TTLL6: variants seen among roughly 807,000 people sequenced by gnomAD.
The protein encoded by TTLL6 is tubulin polyglutamylase TTLL6.
TTLL6 carries 75 observed loss-of-function variants against 96.4 expected under a neutral mutation model. The observed-to-expected ratio is 0.78, with a 90% CI of 0.65 to 0.94. The LOEUF (loss-of-function observed/expected upper bound fraction) is 0.94. Among genes scored for constraint, TTLL6 ranks in the 40% least tolerant of loss-of-function variants. The probability of loss-of-function intolerance (pLI) is 0.00; values close to 1 mark genes in which losing one functional copy is unlikely to be tolerated. For missense variants in TTLL6, 1,030 were observed against 1,093.0 expected (o/e 0.94, Z 0.81); for synonymous variants, 411 against 419.4 (o/e 0.98, Z 0.24).
chr17:48,781,030 T>G (rs1028907969), intron 13 of TTLL6, among the ~76,000 whole-genome samples: 36 of 151,828 alleles, frequency 2.4e-4, no homozygotes, highest in African/African-American at 8.7e-4. Flanking sequence ...ATGGTTAGAT[T>G]ATAGGGTAAT....
intron 12 of TTLL6, 111 bp from the exon 13 acceptor site, chr17:48,785,312 G>GAT: frequency 6.7e-7 from 1 of 1,496,306 alleles, no homozygotes; most frequent in Non-Finnish European, 9.0e-7. Flanking sequence ...AAGGAAAGCA[G>GAT]TCGATAGTAA....
chr17:48,817,051 G>A lies in TTLL6; in HGVS notation c.22C>T (p.Pro8Ser). ...ACACCTGCCGGCCCCCTCCTCGAAG[G>A]ATGAAGGAGTAACGCTCCCATTGGC... MGALLLH[P>S]SRRGPAGVVA... Residue 8 changes from proline to serine, a missense_variant, in exon 1 of 16, where the codon CCT becomes TCT. Transcript: ENST00000393382. The A allele has an allele frequency of 6.5e-7, 1 of 1,544,608 alleles. No individual in the cohort carries two copies. Among genetic ancestry groups the A allele is most frequent in the Non-Finnish European group, 8.7e-7 (1 of 1,145,778 alleles).
At chr17:48,768,891 T>C in intron 15 of TTLL6, 98 bp downstream of exon 15, 1 of 1,290,658 alleles carries the variant, frequency 7.7e-7, no homozygotes, top group Non-Finnish European at 1.1e-6. Context: ...TGTATGTCTT[T>C]ATCAATCCAT....
intron 13 of TTLL6, among the ~76,000 whole-genome samples, chr17:48,778,553 T>G (rs1417225768): frequency 6.6e-6 from 1 of 151,194 alleles, no homozygotes; most frequent in African/African-American, 2.4e-5. Flanking sequence ...CCCAGCACAT[T>G]GGGAGGCTGA....
chr17:48,764,767 A>G (rs940066068), intron 15 of TTLL6, among the ~76,000 whole-genome samples: 2 of 152,056 alleles, frequency 1.3e-5, no homozygotes, highest in African/African-American at 4.8e-5. Context: ...TAAGTCCTTT[A>G]TGGTCCGATT....
At chr17:48,766,018 T>C (rs191258605) in intron 15 of TTLL6, among the ~76,000 whole-genome samples, 1 of 152,314 alleles carries the variant, frequency 6.6e-6, no homozygotes, top group East Asian at 1.9e-4. Flanking sequence ...CCTGTCTGCC[T>C]AAAAAATACC....
chr17:48,807,693 G>A lies in TTLL6; in HGVS notation c.104-2702C>T, dbSNP rs192523829. On this transcript the variant is annotated intron_variant, in intron 1 of 15. Coordinates refer to ENST00000393382, the MANE Select transcript of TTLL6 (RefSeq NM_001130918.3). ...CACCCGGCTAACTTTTATATTTTTA[G>A]TAGAGACAGGATTGCGCCATGTTGG... 9.2e-5 allele frequency among the ~76,000 whole-genome samples: 14 copies of A among 151,352 alleles called. No homozygotes were observed. In the East Asian group the frequency reaches 2.6e-3, roughly 28 times the overall value.
chr17:48,766,829 A>C (rs1389237562), intron 15 of TTLL6, among the ~76,000 whole-genome samples: 1 of 152,228 alleles, frequency 6.6e-6, no homozygotes, highest in Non-Finnish European at 1.5e-5. Flanking sequence ...GTTTTGCTCC[A>C]ATAACAGGCC....
intron 1 of TTLL6, among the ~76,000 whole-genome samples, chr17:48,814,496 C>A (rs1040678351): frequency 1.3e-5 from 2 of 152,070 alleles, no homozygotes; most frequent in Non-Finnish European, 2.9e-5. Flanking sequence ...TGAAAAAATT[C>A]TCATGTTTCC....
chr17:48,773,021 G>T (rs1290414473), intron 13 of TTLL6, among the ~76,000 whole-genome samples: 1 of 152,074 alleles, frequency 6.6e-6, no homozygotes, highest in Non-Finnish European at 1.5e-5. Flanking sequence ...TAAATAAAAA[G>T]AACTGAGTAG....
At chr17:48,773,853 C>G (rs940834133) in intron 13 of TTLL6, among the ~76,000 whole-genome samples, 1 of 151,606 alleles carries the variant, frequency 6.6e-6, no homozygotes, top group Non-Finnish European at 1.5e-5. Context: ...GAGGCCGAAG[C>G]GGGTGGGTCA....
rs138467395 is a variant in TTLL6, at chr17:48,783,415, T to C, written c.2040+1508A>G. 4.3e-3 allele frequency among the ~76,000 whole-genome samples: 600 copies of C among 138,592 alleles called. 2 individuals carry two copies. Among genetic ancestry groups the C allele is most frequent in the Non-Finnish European group, 6.1e-3 (401 of 65,264 alleles). The allele number at this position is 138,592 out of a possible 152,430, so 90.9% of individuals were successfully genotyped here. Reference sequence around the variant, plus strand: ...AAAGTCAACTGTCACCTTAAGTGAATATTTTTTATTTAAAAAATATTGTTT... The same window carrying C: ...AAAGTCAACTGTCACCTTAAGTGAACATTTTTTATTTAAAAAATATTGTTT... On this transcript the variant is annotated intron_variant, in intron 13 of 15. Coordinates refer to ENST00000393382, the MANE Select transcript of TTLL6 (RefSeq NM_001130918.3).
rs930175877 is a variant in TTLL6, at chr17:48,787,869, C to T, written c.1531G>A (p.Asp511Asn). ...NSEKYEKFFQDNNSLFQNTVA... is the reference protein window; with the variant it reads ...NSEKYEKFFQNNNSLFQNTVA... The stretch of plus-strand genomic sequence containing the variant: ...GTATTCTGGAAGAGGGAGTTGTTGT[C>T]CTGGAAAAACTTCTCATACTTCTCC... Residue 511 changes from aspartate (D) to asparagine (N), a missense_variant, in exon 11 of 16, where the codon GAC (aspartate) becomes AAC (asparagine). Asp to Asn is a conservative substitution (Grantham distance 23). Coordinates refer to ENST00000393382, the MANE Select transcript of TTLL6 (RefSeq NM_001130918.3). 4 of 1,614,058 alleles carry T rather than the reference C, an allele frequency of 2.5e-6. No individual in the cohort carries two copies. Among genetic ancestry groups the T allele is most frequent in the Admixed American group, 1.7e-5 (1 of 59,998 alleles).
chr17:48,803,133 G>A (rs537389262), intron 3 of TTLL6, among the ~76,000 whole-genome samples: 31 of 149,504 alleles, frequency 2.1e-4, no homozygotes, highest in African/African-American at 6.4e-4. Context: ...TTGTGCCATT[G>A]CACTCCAGCC....
Position 48,797,151 on chromosome 17 carries a change from T to G in TTLL6, c.822A>C (p.Thr274=). 6.4e-7 allele frequency: 1 copy of G among 1,551,602 alleles called. No homozygotes were observed. The highest frequency in any genetic ancestry group is 2.4e-5 in the East Asian group (1 of 40,916). Residue 274 remains threonine, a synonymous_variant, in exon 7 of 16, where the codon ACA becomes ACC. Transcript: ENST00000393382. ...KFDLRIYVLV[T]SCDPLRIFVY... is the part of the protein sequence containing the mutation. Reference sequence around the variant, plus strand: ...CAAAAATCCTGAGAGGGTCACAGGATGTCACCAGTACATAAATCCGTAGGT... The same window carrying G: ...CAAAAATCCTGAGAGGGTCACAGGAGGTCACCAGTACATAAATCCGTAGGT...
chr17:48,763,622 C>A (rs1237104828), intron 15 of TTLL6, among the ~76,000 whole-genome samples: 3 of 151,972 alleles, frequency 2.0e-5, no homozygotes, highest in African/African-American at 7.3e-5. Flanking sequence ...CATGGAGAAA[C>A]CCCATCTCTA....
chr17:48,796,901 C>G (rs1416083791), intron 7 of TTLL6, among the ~76,000 whole-genome samples, 160 bp downstream of exon 7: 5 of 152,162 alleles, frequency 3.3e-5, no homozygotes, highest in Non-Finnish European at 7.3e-5. Context: ...AATAATCCCT[C>G]TCTCTGAGGG....
chr17:48,808,334 A>T (rs2039534229), intron 1 of TTLL6, among the ~76,000 whole-genome samples: 1 of 152,108 alleles, frequency 6.6e-6, no homozygotes, highest in Admixed American at 6.6e-5. Flanking sequence ...CTGATATTAC[A>T]GGGCTAATGA....
chr17:48,788,093 T>G, intron 10 of TTLL6, 94 bp from the exon 11 acceptor site: 1 of 1,160,264 alleles, frequency 8.6e-7, no homozygotes, highest in South Asian at 1.5e-5. Context: ...TAGGGCCAGA[T>G]GGAGGCCTTG....
Sources: gnomAD v4.1 joint callset for allele counts (sites outside exome capture counted in the v4.1 genomes callset) on GRCh38, gnomAD v4.1.1 for gene constraint, MANE v1.5 for transcripts, NCBI Gene and HGNC (gene_info 2026-07-23, HGNC 2026-07-21) for gene names.